Variants in BCOR observed in about 807,000 individuals in gnomAD.
BCOR encodes the protein BCL6 corepressor.
Under a neutral mutation model 86.7 loss-of-function variants are expected in BCOR, and 10 were observed. The observed-to-expected ratio is 0.12, with a 90% confidence interval of 0.07 to 0.20. The LOEUF is 0.20. BCOR is among the 10% of genes least tolerant of loss of function. BCOR has a pLI of 1.00. For missense variants in BCOR, 1,259 were observed against 1,452.1 expected, an observed-to-expected ratio of 0.87 and a Z score of 2.16; for synonymous variants, 611 against 609.0, an observed-to-expected ratio of 1.00 and a Z score of -0.05.
In BCOR at chrX:40,064,533, A is replaced by C. The variant is rs111622737; in HGVS notation, c.3305T>G (p.Val1102Gly). The part of the protein sequence containing the change: ...FEAPEDKDLP[V>G]EKYFVERQPV... The stretch of plus-strand genomic sequence containing the variant: ...CTGCCTCTCCACAAAGTACTTCTCC[A>C]CAGGAAGATCTTTGTCCTCTGGGGC... Residue 1102 changes from valine to glycine, a missense_variant, in exon 7 of 15, where the codon GTG (valine) becomes GGG (glycine). By Grantham distance (109) the Val-to-Gly change is moderately radical (BLOSUM62 -3). Coordinates refer to ENST00000378444, the MANE Select transcript of BCOR (RefSeq NM_001123385.2). The C allele has an allele frequency of 1.4e-4, 168 of 1,210,386 alleles. 3 individuals carry two copies. In the African/African-American group the frequency reaches 1.6e-3, roughly 12 times the overall value.
At chrX:40,082,684 G>A (rs975497505) in intron 1 of BCOR, among the ~76,000 whole-genome samples, 1 of 111,696 alleles carries the variant, frequency 9.0e-6, no homozygotes, top group African/African-American at 3.3e-5. Context: ...GTGTCTCTGG[G>A]CAGGTGGCTG....
intron 1 of BCOR, among the ~76,000 whole-genome samples, chrX:40,119,565 G>A: frequency 9.0e-6 from 1 of 110,839 alleles, no homozygotes; most frequent in Non-Finnish European, 1.9e-5. Flanking sequence ...CAGCTACTCA[G>A]GAGGCTGAGG....
intron 10 of BCOR, among the ~76,000 whole-genome samples, chrX:40,057,857 C>T (rs1934675014): frequency 8.9e-6 from 1 of 112,148 alleles, no homozygotes; most frequent in African/African-American, 3.2e-5. Flanking sequence ...CTCAACTTCA[C>T]AGAGAGGAGG....
intron 1 of BCOR, among the ~76,000 whole-genome samples, chrX:40,140,249 G>A (rs1174886511): frequency 9.3e-6 from 1 of 107,389 alleles, no homozygotes; most frequent in Admixed American, 1.0e-4. Context: ...CTTGAGCCCA[G>A]GAGTTCGAGA....
chrX:40,104,858 C>T (rs1281644288), intron 1 of BCOR, among the ~76,000 whole-genome samples: 2 of 112,346 alleles, frequency 1.8e-5, no homozygotes, highest in Non-Finnish European at 3.8e-5. Flanking sequence ...GGCCCACACG[C>T]GTCCCATTAG....
intron 8 of BCOR, 107 bp from the exon 9 acceptor site, chrX:40,063,178 T>C: frequency 1.8e-6 from 1 of 546,508 alleles, no homozygotes. Context: ...TTGTTAACAC[T>C]GATCACTGGA....
chrX:40,110,608 G>T (rs1316421510), intron 1 of BCOR, among the ~76,000 whole-genome samples: 2 of 88,976 alleles, frequency 2.2e-5, no homozygotes, highest in Non-Finnish European at 4.4e-5. Flanking sequence ...TGTAGATCCT[G>T]TACCTCTAAG....
intron 6 of BCOR, among the ~76,000 whole-genome samples, chrX:40,067,404 T>C (rs1442403759): frequency 8.9e-6 from 1 of 111,747 alleles, no homozygotes; most frequent in Non-Finnish European, 1.9e-5. Flanking sequence ...TCCCCATTCA[T>C]GGGGAAGCCA....
chrX:40,083,724 G>T (rs1936219647), intron 1 of BCOR, among the ~76,000 whole-genome samples: 1 of 112,356 alleles, frequency 8.9e-6, no homozygotes, highest in South Asian at 3.7e-4. Flanking sequence ...CTCGGCGGAG[G>T]TCCCAGCGCG....
At position 40,067,276 on chromosome X, in the gene BCOR, G is replaced by A. The variant is rs1935249591; in HGVS notation, c.3239-2677C>T. Among the ~76,000 whole-genome samples the A allele has an allele frequency of 2.7e-5, 3 of 111,736 alleles. No individual in the cohort carries two copies. The Admixed American group carries it at 2.8e-4, about 11-fold the overall frequency. On this transcript the variant is annotated intron_variant, in intron 6 of 14. Coordinates refer to ENST00000378444, the MANE Select transcript of BCOR (RefSeq NM_001123385.2). ...AACTGGGGACCTAGTCTCTCTGCTA[G>A]GGAGCACCCCCATTAGATATGGGGA...
At chrX:40,103,385 C>A (rs1367973789) in intron 1 of BCOR, among the ~76,000 whole-genome samples, 1 of 110,742 alleles carries the variant, frequency 9.0e-6, no homozygotes, top group Admixed American at 9.6e-5. Flanking sequence ...TTGCATCCCC[C>A]CCTCCCCAAA....
At chrX:40,062,442 C>T in intron 9 of BCOR, 49 bp from the exon 10 acceptor site, 1 of 1,174,653 alleles carries the variant, frequency 8.5e-7, no homozygotes, top group Non-Finnish European at 1.1e-6. Flanking sequence ...GTCCTTCTAA[C>T]AGCCGCTGCT....
chrX:40,064,436 C>T lies in BCOR; in HGVS notation c.3402G>A (p.Arg1134=). 8.2e-7 allele frequency: 1 copy of T among 1,212,359 alleles called. No individual in the cohort carries two copies. Among genetic ancestry groups the T allele is most frequent in the Non-Finnish European group, 1.1e-6 (1 of 895,623 alleles). Residue 1134 remains arginine, a synonymous_variant, in exon 7 of 15, where the codon AGG becomes AGA. Transcript: ENST00000378444. ...MPHSPTLRVD[R]KRKVSGDSSH... The stretch of plus-strand genomic sequence containing the variant: ...TGCTGTCACCTGAGACTTTGCGTTT[C>T]CTGTCCACCCGGAGGGTGGGGCTGT...
chrX:40,139,459 A>G (rs1361145029), intron 1 of BCOR, among the ~76,000 whole-genome samples: 1 of 686 alleles, frequency 1.5e-3, no homozygotes, highest in Non-Finnish European at 2.2e-3. Flanking sequence ...ATATATACAT[A>G]TATATATATA....
intron 1 of BCOR, among the ~76,000 whole-genome samples, chrX:40,126,573 A>G (rs985567254): frequency 2.0e-4 from 22 of 109,803 alleles, no homozygotes; most frequent in Non-Finnish European, 2.3e-4. Flanking sequence ...AAACAACAAC[A>G]AAAAAGAATC....
intron 1 of BCOR, among the ~76,000 whole-genome samples, chrX:40,156,125 G>A (rs1264547774): frequency 8.8e-6 from 1 of 113,152 alleles, no homozygotes; most frequent in Non-Finnish European, 1.9e-5. Context: ...AGAAACCGTG[G>A]CTGGCAGGAA....
intron 1 of BCOR, among the ~76,000 whole-genome samples, chrX:40,118,632 C>A (rs1186418607): frequency 1.8e-5 from 2 of 111,696 alleles, no homozygotes; most frequent in African/African-American, 6.5e-5. Flanking sequence ...CCCTCTTAAC[C>A]GCATCTTCCA....
At chrX:40,056,802 A>G (rs1435384289) in intron 11 of BCOR, among the ~76,000 whole-genome samples, 1 of 111,077 alleles carries the variant, frequency 9.0e-6, no homozygotes, top group African/African-American at 3.3e-5. Flanking sequence ...CTCTGTGTGT[A>G]CTCCTGGGAC....
intron 10 of BCOR, among the ~76,000 whole-genome samples, chrX:40,058,578 T>C (rs187220133): frequency 2.8e-3 from 315 of 112,122 alleles, no homozygotes; most frequent in African/African-American, 9.6e-3. Flanking sequence ...CTAAGACACA[T>C]CAGTCAAAGG....
Sources: gnomAD v4.1 joint callset for allele counts (sites outside exome capture counted in the v4.1 genomes callset) on GRCh38, gnomAD v4.1.1 for gene constraint, MANE v1.5 for transcripts, NCBI Gene and HGNC (gene_info 2026-07-23, HGNC 2026-07-21) for gene names.